The following TOP1MT variants were observed in gnomAD, a reference collection of about 807,000 sequenced individuals.
TOP1MT encodes the protein DNA topoisomerase I mitochondrial, also known as DNA topoisomerase I, mitochondrial.
In TOP1MT, 80 loss-of-function variants were observed where a neutral mutation model predicts 73.9. The observed-to-expected ratio is 1.08, with a 90% CI of 0.90 to 1.30. The LOEUF (loss-of-function observed/expected upper bound fraction) is 1.30. Among genes scored for constraint, TOP1MT ranks in the 50% most tolerant of loss-of-function variants. The pLI is 0.00. For missense variants in TOP1MT, 815 were observed against 808.0 expected (o/e 1.01, Z -0.10); for synonymous variants, 338 against 326.4 (o/e 1.04, Z -0.38).
At chr8:143,349,144 A>ATGTT (rs1215494937), upstream of TOP1MT, among the ~76,000 whole-genome samples, 5 of 152,138 alleles carry the variant, frequency 3.3e-5, no homozygotes, top group East Asian at 5.8e-4. Context: ...CTTCTGTTTA[A>ATGTT]TGTTTCATTA....
chr8:143,359,207 C>G, upstream of TOP1MT: 1 of 984,384 alleles, frequency 1.0e-6, no homozygotes, highest in Non-Finnish European at 1.2e-6. Flanking sequence ...TGGGTTTTAG[C>G]TGGGAGCTTA....
chr8:143,336,942 G>A (rs778199828), upstream of TOP1MT, among the ~76,000 whole-genome samples: 6 of 152,230 alleles, frequency 3.9e-5, no homozygotes, highest in Middle Eastern at 3.4e-3. Context: ...GTAGCCATAC[G>A]CAAACTGAAA....
At chr8:143,326,735 T>C (rs1283009568) in intron 3 of TOP1MT, among the ~76,000 whole-genome samples, 2 of 152,222 alleles carry the variant, frequency 1.3e-5, no homozygotes, top group Admixed American at 6.5e-5. Flanking sequence ...AGAAACGTCA[T>C]GACCGGACAG....
chr8:143,329,589 T>A (rs3812436), intron 2 of TOP1MT, 118 bp from the exon 3 acceptor site: 2 of 1,245,050 alleles, frequency 1.6e-6, no homozygotes, highest in Non-Finnish European at 2.2e-6. Flanking sequence ...AGCAAGAAGC[T>A]AGGCCTTCTT....
At chr8:143,343,316 A>G (rs557914698) in intron 1 of TOP1MT, 3 of 455,000 alleles carry the variant, frequency 6.6e-6, no homozygotes, top group South Asian at 4.7e-5. Context: ...ATAAACATGC[A>G]GCTCTGCGGC....
At chr8:143,343,113 T>C (rs1044651335) in intron 2 of TOP1MT, 5 of 448,752 alleles carry the variant, frequency 1.1e-5, no homozygotes, top group Non-Finnish European at 2.2e-5. Flanking sequence ...ACTAAGTTCA[T>C]TTGTGTTGTC....
At position 143,341,828 on chromosome 8, in the gene TOP1MT, TTCTTCC is replaced by T. The variant is rs1022475251; in HGVS notation, c.29+1386_29+1391del. On this transcript the variant is annotated intron_variant, in intron 2 of 5. Coordinates refer to the TOP1MT transcript ENST00000518007. The surrounding 1 kb of genome is among the most constrained non-coding windows in gnomAD (Gnocchi z 4.1). ...CCATCTAGTGCTTCCTTCTTCCTTC[TTCTTCC>T]TCTTCTTCCTCCTCCTCCTCCTTCC... 1.4e-5 allele frequency among the ~76,000 whole-genome samples: 2 copies of T among 146,510 alleles called. No homozygotes were observed. Among genetic ancestry groups the T allele is most frequent in the Non-Finnish European group, 1.5e-5 (1 of 67,282 alleles).
intron 2 of TOP1MT, among the ~76,000 whole-genome samples, chr8:143,330,970 G>T (rs1254878461): frequency 6.6e-6 from 1 of 152,164 alleles, no homozygotes; most frequent in Non-Finnish European, 1.5e-5. Context: ...TTTGCCCAGA[G>T]GGTCCTGGAC....
At chr8:143,325,159 T>A (rs1402117296) in intron 5 of TOP1MT, among the ~76,000 whole-genome samples, 187 bp downstream of exon 5, 1 of 152,108 alleles carries the variant, frequency 6.6e-6, no homozygotes, top group African/African-American at 2.4e-5. Context: ...TCCGACCCCG[T>A]GGGAAGCACC....
At chr8:143,323,789 C>T (rs1260700425) in intron 7 of TOP1MT, among the ~76,000 whole-genome samples, 3 of 129,126 alleles carry the variant, frequency 2.3e-5, no homozygotes, top group Non-Finnish European at 5.5e-5. Context: ...GCACACCACA[C>T]GCACAAGTGC....
At chr8:143,338,004 G>C (rs1378691142), upstream of TOP1MT, among the ~76,000 whole-genome samples, 1 of 152,164 alleles carries the variant, frequency 6.6e-6, no homozygotes, top group Non-Finnish European at 1.5e-5. Flanking sequence ...CCTTAGAGTT[G>C]TAAGCCCTTA....
At chr8:143,333,943 A>T (rs1816924748) in intron 1 of TOP1MT, 1 of 152,378 alleles carries the variant, frequency 6.6e-6, no homozygotes, top group Non-Finnish European at 1.5e-5. Flanking sequence ...GGCAGACAGG[A>T]CATTTCTGCA....
In TOP1MT at chr8:143,334,772, G is replaced by T; in HGVS notation, c.90C>A (p.Gly30=). 1 of 1,594,974 alleles carries T rather than the reference G, an allele frequency of 6.3e-7. No individual in the cohort carries two copies. The highest frequency in any genetic ancestry group is 8.5e-7 in the Non-Finnish European group (1 of 1,172,598). ...PRRPASRGVP[G]SRRTQKGSGA... ...CACTGCCCTTCTGCGTCCTGCGCGAGCCCGGGACACCCCGGGAGGCCGGGC... is the reference window on the plus strand; with the variant it reads ...CACTGCCCTTCTGCGTCCTGCGCGATCCCGGGACACCCCGGGAGGCCGGGC... The change falls in exon 1 of 14, where the codon GGC becomes GGA. Residue 30 remains glycine, a synonymous_variant. Coordinates refer to ENST00000329245, the MANE Select transcript of TOP1MT (RefSeq NM_052963.3).
upstream of TOP1MT, among the ~76,000 whole-genome samples, chr8:143,346,896 T>C (rs1377193667): frequency 2.6e-5 from 4 of 152,178 alleles, no homozygotes; most frequent in African/African-American, 9.7e-5. Flanking sequence ...ACTCTCAAGA[T>C]AACAACATTG....
chr8:143,359,171 A>G, upstream of TOP1MT: 1 of 961,434 alleles, frequency 1.0e-6, no homozygotes, highest in Non-Finnish European at 1.2e-6. Context: ...TGCTGCATAG[A>G]GACTCCCCTG....
At chr8:143,336,421 C>A (rs971689677), upstream of TOP1MT, among the ~76,000 whole-genome samples, 6 of 152,148 alleles carry the variant, frequency 3.9e-5, no homozygotes, top group African/African-American at 1.4e-4. Flanking sequence ...CACTCAAGAA[C>A]AGAATAGAAA....
At position 143,324,640 on chromosome 8, in the gene TOP1MT, A is replaced by C. The variant is rs1289691828; in HGVS notation, c.672-11T>G. ...GGGATCTTCGAGTCCCTGCAGCAGA[A>C]CAACGACCCAAACATAACTTGGAGA... On this transcript the variant is annotated splice_polypyrimidine_tract_variant and intron_variant, in intron 5 of 13. Transcript: ENST00000329245. 2 of 1,611,344 alleles carry C rather than the reference A, an allele frequency of 1.2e-6. No homozygotes were observed. Among genetic ancestry groups the C allele is most frequent in the Non-Finnish European group, 1.7e-6 (2 of 1,178,828 alleles).
chr8:143,323,990 G>T lies in TOP1MT; in HGVS notation c.960+9C>A. The stretch of plus-strand genomic sequence containing the variant: ...TGAAGAGCCGCCAGGAAGCGAGAAG[G>T]CCGCATACCTTATCGATGAAATACA... On this transcript the variant is annotated intron_variant, in intron 7 of 13. Coordinates refer to ENST00000329245, the MANE Select transcript of TOP1MT (RefSeq NM_052963.3). 2 of 1,613,198 alleles carry T rather than the reference G, an allele frequency of 1.2e-6. No individual in the cohort carries two copies. The highest frequency in any genetic ancestry group is 1.1e-5 in the South Asian group (1 of 91,058).
At chr8:143,310,975 T>G (rs1815997353) in intron 12 of TOP1MT, among the ~76,000 whole-genome samples, 4 of 151,530 alleles carry the variant, frequency 2.6e-5, no homozygotes, top group Admixed American at 2.6e-4. Context: ...TTTTTTTTTT[T>G]TGAGACGGAG....
Sources: gnomAD v4.1 joint callset for allele counts (sites outside exome capture counted in the v4.1 genomes callset) on GRCh38, gnomAD v4.1.1 for gene constraint, Gnocchi (gnomAD v3.1) non-coding constraint, MANE v1.5 for transcripts, NCBI Gene and HGNC (gene_info 2026-07-23, HGNC 2026-07-21) for gene names.